Variants in TMEM178B observed in about 807,000 individuals in gnomAD.
TMEM178B encodes the protein transmembrane protein 178B.
A neutral mutation model predicts 31.0 loss-of-function variants in TMEM178B; 5 were observed. The ratio of observed to expected loss-of-function variants is 0.16; its 90% CI spans 0.08 to 0.34. TMEM178B has a LOEUF of 0.34. TMEM178B is among the 10% of genes least tolerant of loss of function. The pLI is 1.00. For missense variants in TMEM178B, 275 were observed against 400.3 expected (o/e 0.69, Z 2.67); for synonymous variants, 164 against 164.0 (o/e 1.00, Z 0.00).
intron 1 of TMEM178B, among the ~76,000 whole-genome samples, chr7:141,117,560 G>A (rs1407713021): frequency 6.6e-6 from 1 of 152,162 alleles, no homozygotes; most frequent in Non-Finnish European, 1.5e-5. Context: ...TGCTTTTGGT[G>A]TTTTAGTCAT....
chr7:141,206,882 A>T (rs1462116159), intron 1 of TMEM178B, among the ~76,000 whole-genome samples: 1 of 152,212 alleles, frequency 6.6e-6, no homozygotes, highest in Non-Finnish European at 1.5e-5. Context: ...TATATAGCAG[A>T]TCTCTTATTT....
rs57427295 is a variant in TMEM178B at position 141,171,017 on chromosome 7, TACACACACACACACACACACACACACAC to T, written c.383-41553_383-41526del. ...GTTCAGACTACACATCACACACACA[TACACACACACACACACACACACACACAC>T]ACACACACACACACACACACCCTAA... is the stretch of plus-strand genomic sequence containing the variant. On this transcript the variant is annotated intron_variant, in intron 1 of 3. Coordinates refer to ENST00000565468, the MANE Select transcript of TMEM178B (RefSeq NM_001195278.2). The surrounding 1 kb of genome is among the most constrained non-coding windows in gnomAD (Gnocchi z 4.3). 2.1e-5 allele frequency among the ~76,000 whole-genome samples: 3 copies of T among 146,048 alleles called. No individual in the cohort carries two copies. The highest frequency in any genetic ancestry group is 3.0e-5 in the Non-Finnish European group (2 of 66,104).
At chr7:141,113,552 C>T (rs1483466062) in intron 1 of TMEM178B, among the ~76,000 whole-genome samples, 2 of 152,132 alleles carry the variant, frequency 1.3e-5, no homozygotes. Flanking sequence ...TCAGAATGAC[C>T]ACCCACCTCA....
chr7:141,117,824 G>C lies in TMEM178B; in HGVS notation c.382+43132G>C, dbSNP rs1795343953. Among the ~76,000 whole-genome samples the C allele has an allele frequency of 2.0e-5, 3 of 152,272 alleles. No homozygotes were observed. The South Asian group carries it at 6.2e-4, about 32-fold the overall frequency. ...TGTCAAAGATCAGATGGTTGTAGATGTGTGGCGTTTTTTCTGAGGCTTCTG... is the reference window on the plus strand; with the variant it reads ...TGTCAAAGATCAGATGGTTGTAGATCTGTGGCGTTTTTTCTGAGGCTTCTG... On this transcript the variant is annotated intron_variant, in intron 1 of 3. Transcript: ENST00000565468.
intron 2 of TMEM178B, among the ~76,000 whole-genome samples, chr7:141,346,082 G>C (rs754164448): frequency 6.6e-6 from 1 of 152,002 alleles, no homozygotes; most frequent in African/African-American, 2.4e-5. Context: ...TTAGCCGGGC[G>C]TGGTGGCGGG....
At chr7:141,213,689 C>T (rs1006432432) in intron 2 of TMEM178B, among the ~76,000 whole-genome samples, 6 of 152,138 alleles carry the variant, frequency 3.9e-5, no homozygotes, top group Non-Finnish European at 7.4e-5. Context: ...TCTTTTTCGT[C>T]GATTAGGCCC....
intron 2 of TMEM178B, among the ~76,000 whole-genome samples, chr7:141,386,573 G>A (rs1800434409): frequency 6.6e-6 from 1 of 152,126 alleles, no homozygotes; most frequent in East Asian, 1.9e-4. Flanking sequence ...AAGATATTTA[G>A]TGTATCCATT....
At position 141,461,273 on chromosome 7, in the gene TMEM178B, G is replaced by A. The variant is rs917460260; in HGVS notation, c.635-9263G>A. Among the ~76,000 whole-genome samples the A allele has an allele frequency of 2.0e-5, 3 of 152,148 alleles. No homozygotes were observed. Among genetic ancestry groups the A allele is most frequent in the Non-Finnish European group, 4.4e-5 (3 of 68,026 alleles). ...GTTTCTGCAGAGCCTGCCTTGCAGC[G>A]ACCTGTAGGGCTCCAGTCAGAACAT... On this transcript the variant is annotated intron_variant, in intron 3 of 3. Transcript: ENST00000565468. The surrounding 1 kb of genome is among the most constrained non-coding windows in gnomAD (Gnocchi z 4.0).
intron 1 of TMEM178B, among the ~76,000 whole-genome samples, chr7:141,081,078 A>G (rs1701057842): frequency 6.6e-6 from 1 of 152,314 alleles, no homozygotes; most frequent in South Asian, 2.1e-4. Flanking sequence ...AGTTAACTGT[A>G]AAACAGCCCC....
intron 1 of TMEM178B, among the ~76,000 whole-genome samples, chr7:141,190,689 A>G (rs1796683356): frequency 6.6e-6 from 1 of 152,202 alleles, no homozygotes; most frequent in African/African-American, 2.4e-5. Context: ...TTTCTACTGA[A>G]TGTCTATCAC....
chr7:141,080,860 C>T (rs1586756868), intron 1 of TMEM178B, among the ~76,000 whole-genome samples: 1 of 152,116 alleles, frequency 6.6e-6, no homozygotes, highest in Admixed American at 6.6e-5. Flanking sequence ...TCATAGATGT[C>T]ACAGTGCAGC....
Position 141,472,210 on chromosome 7 carries a change from C to CAG in TMEM178B, c.*1431_*1432dup, listed in dbSNP as rs1303342639. ...CAAACGAAAGGAAGTGGGTCACATGCAGAGAGAGCACCTCCATTTCCCATG... is the reference window on the plus strand; with the variant it reads ...CAAACGAAAGGAAGTGGGTCACATGCAGAGAGAGAGCACCTCCATTTCCCATG... On this transcript the variant is annotated 3_prime_UTR_variant, in exon 4 of 4. Transcript: ENST00000565468. 2 of 152,116 alleles carry CAG rather than the reference C, an allele frequency of 1.3e-5. No homozygotes were observed. Among genetic ancestry groups the CAG allele is most frequent in the Non-Finnish European group, 2.9e-5 (2 of 68,036 alleles). The allele number at this position is 152,116 out of a possible 1,614,324, so 9.4% of individuals were successfully genotyped here. A position where few individuals can be genotyped will look rare whatever the true frequency, so the allele number is the denominator to read the frequency against.
chr7:141,311,803 C>A (rs1216984615), intron 2 of TMEM178B, among the ~76,000 whole-genome samples: 1 of 152,178 alleles, frequency 6.6e-6, no homozygotes, highest in Non-Finnish European at 1.5e-5. Flanking sequence ...GAGCAGTCAT[C>A]TGAAGGCATT....
At chr7:141,388,435 G>GT (rs1409727642) in intron 2 of TMEM178B, among the ~76,000 whole-genome samples, 1 of 152,120 alleles carries the variant, frequency 6.6e-6, no homozygotes, top group East Asian at 1.9e-4. Flanking sequence ...TTTCCTCTAG[G>GT]TAAAAAATAT....
chr7:141,363,645 CGT>C (rs1024171709), intron 2 of TMEM178B, among the ~76,000 whole-genome samples: 2 of 152,172 alleles, frequency 1.3e-5, no homozygotes, highest in Non-Finnish European at 2.9e-5. Context: ...TTCTGTCCTT[CGT>C]TTATCTTCAG....
chr7:141,391,609 G>A (rs189072446), intron 2 of TMEM178B, among the ~76,000 whole-genome samples: 6 of 152,132 alleles, frequency 3.9e-5, no homozygotes, highest in Non-Finnish European at 7.4e-5. Context: ...ATTGCTGTGC[G>A]ACCATCACCT....
At chr7:141,317,345 C>T (rs1164937295) in intron 2 of TMEM178B, among the ~76,000 whole-genome samples, 6 of 152,218 alleles carry the variant, frequency 3.9e-5, no homozygotes, top group South Asian at 4.2e-4. Context: ...CATGCTGAAG[C>T]GAAGAAAGGC....
chr7:141,511,035 T>G, the TMEM178B span, among the ~76,000 whole-genome samples: 59,971 of 151,900 alleles, frequency 0.39, 14,247 homozygotes, highest in Non-Finnish European at 0.55. Flanking sequence ...GCTCCATTAT[T>G]TTAGAACTGT....
chr7:141,340,515 A>G (rs1244459045), intron 2 of TMEM178B, among the ~76,000 whole-genome samples: 1 of 152,222 alleles, frequency 6.6e-6, no homozygotes, highest in Non-Finnish European at 1.5e-5. Flanking sequence ...TCAAAGAGGT[A>G]AAGTCATGCT....
Sources: allele counts gnomAD v4.1 joint callset (sites outside exome capture counted in the v4.1 genomes callset), GRCh38; gene constraint gnomAD v4.1.1; non-coding constraint Gnocchi (gnomAD v3.1); transcripts MANE v1.5; gene names NCBI Gene and HGNC (gene_info 2026-07-23, HGNC 2026-07-21).